CRYBG1: variants seen among roughly 807,000 people sequenced by gnomAD.
The protein encoded by CRYBG1 is beta/gamma crystallin domain-containing protein 1.
CRYBG1 carries 139 observed loss-of-function variants against 189.2 expected under a neutral mutation model. That is an observed-to-expected ratio of 0.73 (90% CI 0.64 to 0.85). The LOEUF (loss-of-function observed/expected upper bound fraction) is 0.85. Among genes scored for constraint, CRYBG1 ranks in the 40% least tolerant of loss-of-function variants. The pLI, the probability that CRYBG1 is intolerant of heterozygous loss-of-function variation, is 0.00. For synonymous variants in CRYBG1, 1,023 were observed against 1,017.1 expected (o/e 1.01, Z -0.11); for missense variants, 2,611 against 2,675.8 (o/e 0.98, Z 0.53).
intron 1 of CRYBG1, among the ~76,000 whole-genome samples, chr6:106,393,680 CTTT>C (rs3047147): frequency 0.43 from 61,102 of 142,048 alleles, 13,670 homozygotes; most frequent in East Asian, 0.7. Context: ...TTTCCTCTTC[CTTT>C]TTTTTTTTTT....
chr6:106,410,869 G>C (rs1770916540), intron 1 of CRYBG1, among the ~76,000 whole-genome samples: 1 of 152,170 alleles, frequency 6.6e-6, no homozygotes, highest in Admixed American at 6.5e-5. Flanking sequence ...GGGGTGGGGA[G>C]GCTAGGGGAG....
At chr6:106,460,282 C>T (rs9373868) in intron 2 of CRYBG1, among the ~76,000 whole-genome samples, 18,535 of 152,126 alleles carry the variant, frequency 0.12, 1,467 homozygotes, top group South Asian at 0.26. Context: ...TGAGCCACCG[C>T]GCCCAGCCAG....
At position 106,520,940 on chromosome 6, in the gene CRYBG1, A is replaced by G; in HGVS notation, c.3732A>G (p.Ser1244=). 2.5e-6 allele frequency: 4 copies of G among 1,614,196 alleles called. No homozygotes were observed. Among genetic ancestry groups the G allele is most frequent in the Non-Finnish European group, 2.5e-6 (3 of 1,180,024 alleles). The stretch of plus-strand genomic sequence containing the variant: ...GACTAGAAAAAAGTGCACTTTTCTC[A>G]AGCTTGTTATCTTCTTTACCACAAG... ...RSRLEKSALF[S]SLLSSLPQDK... Residue 1244 remains serine (S), a synonymous_variant, in exon 4 of 22, where the codon TCA becomes TCG. Coordinates refer to ENST00000633556, the MANE Select transcript of CRYBG1 (RefSeq NM_001371242.2).
chr6:106,506,249 A>G (rs998766240), intron 2 of CRYBG1, among the ~76,000 whole-genome samples: 8 of 152,214 alleles, frequency 5.3e-5, no homozygotes, highest in South Asian at 2.1e-4. Flanking sequence ...ATTCTTTAGT[A>G]GCAGCAAATA....
intron 1 of CRYBG1, among the ~76,000 whole-genome samples, chr6:106,414,516 A>T (rs541527850): frequency 6.6e-6 from 1 of 152,348 alleles, no homozygotes; most frequent in South Asian, 2.1e-4. Context: ...AGTTCTTCAA[A>T]ATGTCCACCT....
intron 1 of CRYBG1, among the ~76,000 whole-genome samples, chr6:106,376,298 C>G (rs1770162230): frequency 6.6e-6 from 1 of 152,150 alleles, no homozygotes; most frequent in Admixed American, 6.5e-5. Flanking sequence ...AAAATAATTT[C>G]CTTACTCATT....
At chr6:106,524,566 GAAAA>G (rs1172247797) in intron 4 of CRYBG1, among the ~76,000 whole-genome samples, 1 of 149,796 alleles carries the variant, frequency 6.7e-6, no homozygotes, top group South Asian at 2.1e-4. Flanking sequence ...CATCTCAAAA[GAAAA>G]AAAAGGGGGA....
intron 1 of CRYBG1, among the ~76,000 whole-genome samples, chr6:106,381,222 C>A (rs560160197): frequency 1.3e-4 from 20 of 152,220 alleles, no homozygotes; most frequent in Admixed American, 3.3e-4. Context: ...AAAAAGTTTA[C>A]AAAATTTGTG....
intron 1 of CRYBG1, among the ~76,000 whole-genome samples, chr6:106,441,575 C>T (rs1308479025): frequency 1.3e-5 from 2 of 152,076 alleles, no homozygotes; most frequent in Non-Finnish European, 2.9e-5. Flanking sequence ...ACATTAACAC[C>T]AGTTAATTGA....
intron 1 of CRYBG1, among the ~76,000 whole-genome samples, chr6:106,434,088 A>G (rs1582760345): frequency 6.6e-6 from 1 of 151,974 alleles, no homozygotes. Context: ...GGCTGTTATC[A>G]GAAGGCCTCA....
chr6:106,369,328 T>G (rs1769968170), intron 1 of CRYBG1, among the ~76,000 whole-genome samples: 1 of 152,232 alleles, frequency 6.6e-6, no homozygotes, highest in Non-Finnish European at 1.5e-5. Flanking sequence ...TAAAAGTAGG[T>G]TGGTGTTAAG....
intron 1 of CRYBG1, among the ~76,000 whole-genome samples, chr6:106,408,841 C>T (rs981457343): frequency 6.6e-6 from 1 of 152,140 alleles, no homozygotes; most frequent in African/African-American, 2.4e-5. Flanking sequence ...GCTAAAAACT[C>T]TCAATAAACT....
At chr6:106,459,542 T>TG (rs199904510) in intron 2 of CRYBG1, among the ~76,000 whole-genome samples, 1,618 of 136,316 alleles carry the variant, frequency 0.012, 29 homozygotes, top group African/African-American at 0.042. Flanking sequence ...AGTCCATTTG[T>TG]GGGTTTTTTT....
At chr6:106,558,013 GAA>G (rs947324334) in intron 17 of CRYBG1, among the ~76,000 whole-genome samples, 2 of 146,580 alleles carry the variant, frequency 1.4e-5, no homozygotes, top group South Asian at 4.3e-4. Flanking sequence ...GTGATGAACA[GAA>G]AAAAAAAAGA....
chr6:106,507,549 T>C (rs1773158642), intron 2 of CRYBG1, among the ~76,000 whole-genome samples: 1 of 152,050 alleles, frequency 6.6e-6, no homozygotes. Flanking sequence ...AACACTCCCC[T>C]TCCTAGCAAA....
At chr6:106,478,988 G>C (rs371012113) in intron 2 of CRYBG1, among the ~76,000 whole-genome samples, 3 of 152,216 alleles carry the variant, frequency 2.0e-5, no homozygotes, top group East Asian at 3.8e-4. Flanking sequence ...ATTATACAAT[G>C]TGTAGCTTTT....
At chr6:106,540,670 A>G (rs1674384713) in intron 9 of CRYBG1, among the ~76,000 whole-genome samples, 1 of 151,844 alleles carries the variant, frequency 6.6e-6, no homozygotes, top group African/African-American at 2.4e-5. Flanking sequence ...TGCTGATAAT[A>G]TCAGCCACAT....
At chr6:106,521,822 G>A (rs893838253) in intron 4 of CRYBG1, among the ~76,000 whole-genome samples, 7 of 146,110 alleles carry the variant, frequency 4.8e-5, no homozygotes, top group African/African-American at 7.6e-5. Flanking sequence ...GGGTTCAAGC[G>A]ATTCTTCTGC....
intron 1 of CRYBG1, among the ~76,000 whole-genome samples, chr6:106,449,171 C>T (rs1026007140): frequency 4.6e-5 from 7 of 152,088 alleles, no homozygotes; most frequent in South Asian, 2.1e-4. Context: ...TTATGTAATA[C>T]GTAAGTATCT....
Sources: allele counts gnomAD v4.1 joint callset (sites outside exome capture counted in the v4.1 genomes callset), GRCh38; gene constraint gnomAD v4.1.1; transcripts MANE v1.5; gene names NCBI Gene and HGNC (gene_info 2026-07-23, HGNC 2026-07-21).